The following TLK2 variants were observed in gnomAD, a reference collection of about 807,000 sequenced individuals.
TLK2 encodes the protein serine/threonine-protein kinase tousled-like 2.
TLK2 carries 6 observed loss-of-function variants against 117.3 expected under a neutral mutation model. That is an observed-to-expected ratio of 0.05 (90% CI 0.03 to 0.10). The LOEUF (loss-of-function observed/expected upper bound fraction) is 0.10, where lower values mean the gene tolerates loss of function less well. Among genes scored for constraint, TLK2 ranks in the 10% least tolerant of loss-of-function variants. The pLI, the probability that TLK2 is intolerant of heterozygous loss-of-function variation, is 1.00. For missense variants in TLK2, 299 were observed against 901.2 expected (o/e 0.33, Z 8.56); for synonymous variants, 257 against 316.7 (o/e 0.81, Z 2.00).
chr17:62,583,836 C>A (rs1203370489), intron 15 of TLK2, among the ~76,000 whole-genome samples: 3 of 152,122 alleles, frequency 2.0e-5, no homozygotes, highest in Non-Finnish European at 4.4e-5. Flanking sequence ...CTCGGCCTCC[C>A]AAAGTGCTGG....
rs1470514846 is a variant in TLK2, at chr17:62,576,736, A to G, written c.1149A>G (p.Gln383=). The change falls in exon 13 of 22, where the codon CAA becomes CAG. Residue 383 remains glutamine (Q), a synonymous_variant. Coordinates refer to ENST00000346027, the MANE Select transcript of TLK2 (RefSeq NM_006852.6). ...ETLTLAEYHE[Q]EEIFKLRLGH... ...TAACGTTAGCAGAATACCATGAACA[A>G]GAAGAAATCTTCAAACTCAGATTAG... 2.5e-6 allele frequency: 4 copies of G among 1,613,614 alleles called. No individual in the cohort carries two copies. Among genetic ancestry groups the G allele is most frequent in the Non-Finnish European group, 2.5e-6 (3 of 1,179,636 alleles).
At chr17:62,529,561 T>A (rs994841472) in intron 6 of TLK2, among the ~76,000 whole-genome samples, 1 of 152,226 alleles carries the variant, frequency 6.6e-6, no homozygotes, top group Non-Finnish European at 1.5e-5. Context: ...ATGTGGTTTA[T>A]CTGATATTTA....
chr17:62,523,914 A>G (rs1245078315), intron 5 of TLK2, among the ~76,000 whole-genome samples: 2 of 152,234 alleles, frequency 1.3e-5, no homozygotes, highest in Non-Finnish European at 2.9e-5. Flanking sequence ...CATCCACTGC[A>G]CCACTGCATT....
At chr17:62,587,840 A>G (rs1475509667) in intron 16 of TLK2, among the ~76,000 whole-genome samples, 2 of 152,132 alleles carry the variant, frequency 1.3e-5, no homozygotes, top group Non-Finnish European at 2.9e-5. Flanking sequence ...CTGACCAGTT[A>G]TAAGTGAGCA....
chr17:62,490,318 A>G (rs2072975705), intron 2 of TLK2, among the ~76,000 whole-genome samples: 2 of 152,012 alleles, frequency 1.3e-5, no homozygotes, highest in Admixed American at 6.6e-5. Flanking sequence ...CCTATCTTCC[A>G]CTTGATTAAT....
At chr17:62,534,844 C>CAT (rs2076997447) in intron 6 of TLK2, among the ~76,000 whole-genome samples, 1 of 142,384 alleles carries the variant, frequency 7.0e-6, no homozygotes. Context: ...TTTTGAAAAA[C>CAT]ATACTCTTCA....
At chr17:62,519,010 A>G (rs2075839168) in intron 2 of TLK2, among the ~76,000 whole-genome samples, 1 of 152,114 alleles carries the variant, frequency 6.6e-6, no homozygotes, top group African/African-American at 2.4e-5. Context: ...TCAGCCTCCA[A>G]GTAGCTGGGA....
intron 2 of TLK2, among the ~76,000 whole-genome samples, chr17:62,499,624 C>T (rs1333883216): frequency 2.6e-5 from 4 of 151,872 alleles, no homozygotes; most frequent in Non-Finnish European, 4.4e-5. Context: ...CCGAGGTGGG[C>T]GGATTGCCTG....
upstream of TLK2, among the ~76,000 whole-genome samples, chr17:62,474,576 A>AT (rs1294883913): frequency 1.5e-3 from 208 of 142,556 alleles, no homozygotes; most frequent in African/African-American, 3.6e-3. Context: ...CACCCGGCTA[A>AT]TTTTTTTTTT....
chr17:62,594,789 TACACACACACACACACACACAC>T (rs143695451), intron 16 of TLK2, among the ~76,000 whole-genome samples: 5 of 145,422 alleles, frequency 3.4e-5, no homozygotes, highest in African/African-American at 1.3e-4. Context: ...GCAGGGCGGG[TACACACACACACACACACACAC>T]ACACACACAC....
chr17:62,537,958 A>G (rs942547954), intron 7 of TLK2, among the ~76,000 whole-genome samples: 4 of 152,078 alleles, frequency 2.6e-5, no homozygotes, highest in Admixed American at 2.0e-4. Flanking sequence ...GTATTGTTCT[A>G]AAGAATGTAT....
At chr17:62,609,150 C>T (rs144699217) in intron 21 of TLK2, among the ~76,000 whole-genome samples, 196 of 152,242 alleles carry the variant, frequency 1.3e-3, no homozygotes, top group Admixed American at 5.7e-3. Flanking sequence ...GGCATTATCA[C>T]GGCTCACCAC....
At chr17:62,562,474 C>T (rs2079371023) in intron 10 of TLK2, among the ~76,000 whole-genome samples, 1 of 151,996 alleles carries the variant, frequency 6.6e-6, no homozygotes, top group African/African-American at 2.4e-5. Context: ...AAAGACAACT[C>T]ATTAATAATG....
chr17:62,548,821 C>T (rs1031392630), intron 7 of TLK2, among the ~76,000 whole-genome samples: 3 of 151,726 alleles, frequency 2.0e-5, no homozygotes, highest in African/African-American at 7.3e-5. Context: ...ACTGCAACCT[C>T]CACCTCCTGG....
chr17:62,584,057 C>T (rs1020644948), intron 15 of TLK2, among the ~76,000 whole-genome samples: 1 of 149,336 alleles, frequency 6.7e-6, no homozygotes, highest in African/African-American at 2.5e-5. Context: ...CTTGAAATAG[C>T]ATTGGTGCTC....
intron 9 of TLK2, among the ~76,000 whole-genome samples, chr17:62,554,922 A>G (rs1404723517): frequency 1.3e-5 from 2 of 151,944 alleles, no homozygotes; most frequent in Non-Finnish European, 2.9e-5. Context: ...ATACAGAAAA[A>G]TGTGTCACTC....
chr17:62,493,377 G>A (rs530588554), intron 2 of TLK2, among the ~76,000 whole-genome samples: 2 of 152,244 alleles, frequency 1.3e-5, no homozygotes, highest in East Asian at 3.9e-4. Context: ...TCATTCATCT[G>A]TTGATGGACC....
intron 16 of TLK2, among the ~76,000 whole-genome samples, chr17:62,588,019 TATAAAATATAC>T: frequency 7.1e-6 from 1 of 140,114 alleles, no homozygotes; most frequent in Admixed American, 7.2e-5. Context: ...TCTGTATATG[TATAAAATATAC>T]GTATACATCT....
chr17:62,574,468 C>A, intron 12 of TLK2: 1 of 830,018 alleles, frequency 1.2e-6, no homozygotes, highest in Non-Finnish European at 1.9e-6. Context: ...TAAAAATGTG[C>A]ATAATGAACT....
Sources: allele counts gnomAD v4.1 joint callset (sites outside exome capture counted in the v4.1 genomes callset), GRCh38; gene constraint gnomAD v4.1.1; transcripts MANE v1.5; gene names NCBI Gene and HGNC (gene_info 2026-07-23, HGNC 2026-07-21).